The following DIPK1B variants were observed in gnomAD, a reference collection of about 807,000 sequenced individuals.
DIPK1B encodes the protein family with sequence similarity 69 member B.
In DIPK1B, 17 loss-of-function variants were observed where a neutral mutation model predicts 20.7. The observed-to-expected ratio is 0.82, with a 90% CI of 0.56 to 1.23. The LOEUF is 1.23. Among genes scored for constraint, DIPK1B ranks in the 50% most tolerant of loss-of-function variants. The probability of loss-of-function intolerance (pLI) is 0.00; values close to 1 mark genes in which losing one functional copy is unlikely to be tolerated. For synonymous variants in DIPK1B, 343 were observed against 276.5 expected (o/e 1.24, Z -2.39); for missense variants, 648 against 601.8 (o/e 1.08, Z -0.80).
intron 1 of DIPK1B, among the ~76,000 whole-genome samples, chr9:136,713,762 G>A (rs1846458889): frequency 1.3e-5 from 2 of 152,246 alleles, no homozygotes; most frequent in African/African-American, 4.8e-5. Flanking sequence ...GGTGTTGGCT[G>A]CTCCCAGGGT....
At chr9:136,719,759 C>G (rs945978576) in intron 2 of DIPK1B, among the ~76,000 whole-genome samples, 4 of 152,244 alleles carry the variant, frequency 2.6e-5, no homozygotes, top group African/African-American at 4.8e-5. Context: ...CAGCCCCAGC[C>G]CCAGCCTGGC....
intron 1 of DIPK1B, among the ~76,000 whole-genome samples, chr9:136,716,624 C>G (rs1846500314): frequency 6.6e-6 from 1 of 152,000 alleles, no homozygotes; most frequent in South Asian, 2.1e-4. Flanking sequence ...TGGTCTCAAA[C>G]TCCTGGGCTC....
chr9:136,722,202 G>C lies in DIPK1B; in HGVS notation c.384G>C (p.Arg128=). ...GIEETLDSKA[R]SDAAPRRELV... ...AGGAGACCCTCGACTCCAAGGCCCG[G>C]TCGGATGCGGCCCCCCGGCGGGAGC... Residue 128 remains arginine (R), a synonymous_variant, in exon 4 of 5, where the codon CGG becomes CGC. Transcript: ENST00000371692. 1 of 1,614,074 alleles carries C rather than the reference G, an allele frequency of 6.2e-7. No individual in the cohort carries two copies.
In DIPK1B at chr9:136,723,140, T is replaced by C. The variant is rs1338488163; in HGVS notation, c.662T>C (p.Leu221Pro). The part of the protein sequence containing the change: ...SLQEKEHASR[L>P]LGYCGDLYLT... ...CAGGAGAAGGAGCACGCCTCCAGAC[T>C]GCTGGGCTACTGTGGGGACCTCTAC... Residue 221 changes from leucine to proline, a missense_variant, in exon 5 of 5, where the codon CTG (leucine) becomes CCG (proline). Leu to Pro is a moderately conservative substitution (Grantham distance 98, BLOSUM62 -3). Transcript: ENST00000371692. 1 of 1,613,498 alleles carries C rather than the reference T, an allele frequency of 6.2e-7. No homozygotes were observed. The highest frequency in any genetic ancestry group is 8.5e-7 in the Non-Finnish European group (1 of 1,180,010).
chr9:136,720,566 G>T (rs760921423), intron 2 of DIPK1B, among the ~76,000 whole-genome samples: 1 of 152,212 alleles, frequency 6.6e-6, no homozygotes, highest in Non-Finnish European at 1.5e-5. Context: ...CTAGGGTGGG[G>T]GCTGAGGAGG....
At position 136,712,687 on chromosome 9, in the gene DIPK1B, G is replaced by A. The variant is rs776008268; in HGVS notation, c.22G>A (p.Ala8Thr). ...CACCATGCGGCGGCTGCGGCGCCTG[G>A]CGCACCTGGTGCTCTTCTGCCCCTT... is the stretch of plus-strand genomic sequence containing the variant. Reference protein sequence around the residue: MRRLRRLAHLVLFCPFSK... With the variant: MRRLRRLTHLVLFCPFSK... The change falls in exon 1 of 5, where the codon GCG becomes ACG. Residue 8 changes from alanine to threonine, a missense_variant. Coordinates refer to ENST00000371692, the MANE Select transcript of DIPK1B (RefSeq NM_152421.4). The surrounding 1 kb of genome is among the most constrained non-coding windows in gnomAD (Gnocchi z 5.6). The A allele has an allele frequency of 2.3e-6, 3 of 1,328,150 alleles. No homozygotes were observed. The East Asian group carries it at 9.4e-5, about 42-fold the overall frequency. 82.3% of individuals were successfully genotyped at this position (1,328,150 alleles called of 1,614,324 possible). A position where few individuals can be genotyped will look rare whatever the true frequency, so the allele number is the denominator to read the frequency against.
Position 136,723,897 on chromosome 9 carries a change from CG to C in DIPK1B, c.*124del. The C allele has an allele frequency of 9.9e-7, 1 of 1,012,118 alleles. No individual in the cohort carries two copies. The highest frequency in any genetic ancestry group is 1.7e-5 in the South Asian group (1 of 60,602). The allele number at this position is 1,012,118 out of a possible 1,614,324, so 62.7% of individuals were successfully genotyped here. A position where few individuals can be genotyped will look rare whatever the true frequency, so the allele number is the denominator to read the frequency against. Reference sequence around the variant, plus strand: ...CTGTGTTGCAAAATCACTCCCCTACCGTCAGGGCTCTGGATTCCAGCACCAC... The same window carrying C: ...CTGTGTTGCAAAATCACTCCCCTACCTCAGGGCTCTGGATTCCAGCACCAC... On this transcript the variant is annotated 3_prime_UTR_variant, in exon 5 of 5. Transcript: ENST00000371692.
rs147210980 is a variant in DIPK1B at position 136,722,243 on chromosome 9, A to G, written c.425A>G (p.Lys142Arg). 8.9e-5 allele frequency: 143 copies of G among 1,613,904 alleles called. No individual in the cohort carries two copies. The African/African-American group carries it at 1.7e-3, about 19-fold the overall frequency. ...CGGCGGGAGCTGGTACTGTTTGACA[A>G]GCCCACCCGGGGCACCTCCATCAAG... Reference protein sequence around the residue: ...APRRELVLFDKPTRGTSIKEF... With the variant: ...APRRELVLFDRPTRGTSIKEF... Residue 142 changes from lysine (K) to arginine (R), a missense_variant, in exon 4 of 5, where the codon AAG (lysine) becomes AGG (arginine). Transcript: ENST00000371692.
chr9:136,713,347 C>T (rs1846452687), intron 1 of DIPK1B, among the ~76,000 whole-genome samples: 1 of 152,214 alleles, frequency 6.6e-6, no homozygotes, highest in Admixed American at 6.5e-5. Context: ...GGATGCCCTC[C>T]CAGACCCTCC....
At chr9:136,721,703 C>G in intron 2 of DIPK1B, 1 of 562,114 alleles carries the variant, frequency 1.8e-6, no homozygotes, top group South Asian at 2.0e-5. Flanking sequence ...GGGACGGGAC[C>G]GGACCGGAGG....
At position 136,723,481 on chromosome 9, in the gene DIPK1B, G is replaced by GAGC; in HGVS notation, c.1005_1007dup (p.Glu335_His336insGln). ...CCGCTTCCTGCAGGGCCGCCGCTGC[G>GAGC]AGCACAGCACCGACTGCACCTACGG... is the stretch of plus-strand genomic sequence containing the variant. On this transcript the variant is annotated inframe_insertion, in exon 5 of 5. Coordinates refer to ENST00000371692, the MANE Select transcript of DIPK1B (RefSeq NM_152421.4). 1 of 1,610,228 alleles carries GAGC rather than the reference G, an allele frequency of 6.2e-7. No homozygotes were observed.
chr9:136,722,863 C>G, intron 4 of DIPK1B, 99 bp from the exon 5 acceptor site: 1 of 1,294,842 alleles, frequency 7.7e-7, no homozygotes, highest in Non-Finnish European at 1.0e-6. Context: ...GCTGGTCTGG[C>G]CGGCAGACCA....
Position 136,723,075 on chromosome 9 carries a change from C to A in DIPK1B, c.597C>A (p.Ala199=). The A allele has an allele frequency of 1.9e-6, 3 of 1,613,622 alleles. No homozygotes were observed. Among genetic ancestry groups the A allele is most frequent in the Non-Finnish European group, 2.5e-6 (3 of 1,180,040 alleles). ...VSLAEAKSVW[A]LLQRNEFLLL... ...TGGCGGAAGCCAAGTCCGTGTGGGCCCTGCTGCAGCGTAACGAGTTCCTGC... is the reference window on the plus strand; with the variant it reads ...TGGCGGAAGCCAAGTCCGTGTGGGCACTGCTGCAGCGTAACGAGTTCCTGC... Residue 199 remains alanine, a synonymous_variant, in exon 5 of 5, where the codon GCC becomes GCA. Transcript: ENST00000371692.
chr9:136,722,464 G>C, intron 4 of DIPK1B, 163 bp downstream of exon 4: 1 of 871,042 alleles, frequency 1.1e-6, no homozygotes. Flanking sequence ...GCCCTGCCAG[G>C]GAAGGAGCCT....
intron 3 of DIPK1B, 40 bp downstream of exon 3, chr9:136,722,068 C>A (rs776818528): frequency 1.2e-6 from 2 of 1,613,460 alleles, no homozygotes; most frequent in Non-Finnish European, 1.7e-6. Context: ...GGGGCTGATA[C>A]TGCCCGTGCA....
chr9:136,719,718 A>G (rs9411219), intron 2 of DIPK1B, among the ~76,000 whole-genome samples: 68,480 of 152,144 alleles, frequency 0.45, 16,590 homozygotes, highest in East Asian at 0.73. Flanking sequence ...AGGCAGCTCC[A>G]TCTCCCCACC....
chr9:136,716,556 C>T (rs369767185), intron 1 of DIPK1B, among the ~76,000 whole-genome samples: 1 of 151,976 alleles, frequency 6.6e-6, no homozygotes, highest in Non-Finnish European at 1.5e-5. Context: ...GGTGAGCCAC[C>T]GCACCCAGCT....
chr9:136,716,424 T>C (rs1470923005), intron 1 of DIPK1B, among the ~76,000 whole-genome samples: 1 of 151,606 alleles, frequency 6.6e-6, no homozygotes, highest in Non-Finnish European at 1.5e-5. Context: ...TGAGTCACCA[T>C]GTCCAGCTAA....
chr9:136,719,685 C>G (rs1846560865), intron 2 of DIPK1B, among the ~76,000 whole-genome samples: 1 of 152,248 alleles, frequency 6.6e-6, no homozygotes, highest in South Asian at 2.1e-4. Context: ...CTGCTAGGTG[C>G]TGGTAGGTGC....
Sources: allele counts gnomAD v4.1 joint callset (sites outside exome capture counted in the v4.1 genomes callset), GRCh38; gene constraint gnomAD v4.1.1; non-coding constraint Gnocchi (gnomAD v3.1); transcripts MANE v1.5; gene names NCBI Gene and HGNC (gene_info 2026-07-23, HGNC 2026-07-21).